Variants in TBC1D10B observed in about 807,000 individuals in gnomAD.
The protein encoded by TBC1D10B is TBC1 domain family member 10B, also known as Rab27A-GAPbeta.
A neutral mutation model predicts 78.4 loss-of-function variants in TBC1D10B; 25 were observed. The ratio of observed to expected loss-of-function variants is 0.32; its 90% confidence interval spans 0.23 to 0.45. The LOEUF is 0.45. Among genes scored for constraint, TBC1D10B ranks in the 20% least tolerant of loss-of-function variants. The pLI, the probability that TBC1D10B is intolerant of heterozygous loss-of-function variation, is 1.00. For missense variants in TBC1D10B, 996 were observed against 1,104.8 expected, an observed-to-expected ratio of 0.90 and a Z score of 1.40; for synonymous variants, 517 against 478.0, an observed-to-expected ratio of 1.08 and a Z score of -1.06.
Position 30,369,408 on chromosome 16 carries a change from G to T in TBC1D10B, c.776C>A (p.Pro259His). Reference sequence around the variant, plus strand: ...CAGCGTGTCCGGGGCCTGCCCTCGAGGCCCAGAGATGCCAGGTCCCAGGCT... The same window carrying T: ...CAGCGTGTCCGGGGCCTGCCCTCGATGCCCAGAGATGCCAGGTCCCAGGCT... The part of the protein sequence containing the change: ...TSSLGPGISG[P>H]RGQAPDTLSY... The change falls in exon 1 of 9, where the codon CCT becomes CAT. Residue 259 changes from proline to histidine, a missense_variant. By Grantham distance (77) the Pro-to-His change is moderately conservative. This residue lies in a region of TBC1D10B where 448 missense variants were observed against 442.1 expected (regional missense o/e 1.01). Transcript: ENST00000409939. The surrounding 1 kb of genome is among the most constrained non-coding windows in gnomAD (Gnocchi z 4.3). The T allele has an allele frequency of 6.3e-7, 1 of 1,579,754 alleles. No individual in the cohort carries two copies. The highest frequency in any genetic ancestry group is 8.6e-7 in the Non-Finnish European group (1 of 1,163,004).
intron 4 of TBC1D10B, 80 bp downstream of exon 4, chr16:30,364,820 C>T: frequency 7.4e-7 from 1 of 1,347,922 alleles, no homozygotes; most frequent in Non-Finnish European, 1.0e-6. Context: ...ACTTTCGACT[C>T]AGTCTTGTAT....
At chr16:30,364,044 G>A (rs1344302002) in intron 4 of TBC1D10B, among the ~76,000 whole-genome samples, 1 of 151,510 alleles carries the variant, frequency 6.6e-6, no homozygotes, top group Non-Finnish European at 1.5e-5. Context: ...CTGAATCCAG[G>A]AGGCAGAGGT....
At chr16:30,361,820 G>A (rs1003295614) in intron 4 of TBC1D10B, among the ~76,000 whole-genome samples, 9 of 151,176 alleles carry the variant, frequency 6.0e-5, no homozygotes, top group African/African-American at 2.2e-4. Flanking sequence ...CGAGTAACTG[G>A]GATTACAGGC....
At chr16:30,358,968 G>A (rs1440478972) in intron 7 of TBC1D10B, 151 bp from the exon 8 acceptor site, 4 of 1,240,954 alleles carry the variant, frequency 3.2e-6, no homozygotes, top group East Asian at 5.1e-5. Flanking sequence ...GCTGCTATCA[G>A]TCTCAGGATC....
intron 4 of TBC1D10B, chr16:30,360,067 G>C: frequency 1.9e-6 from 1 of 523,650 alleles, no homozygotes. Context: ...CCCAGCACAG[G>C]CTGCACCCTC....
intron 4 of TBC1D10B, among the ~76,000 whole-genome samples, chr16:30,364,610 C>T (rs1051537392): frequency 5.3e-5 from 8 of 152,084 alleles, no homozygotes; most frequent in African/African-American, 1.7e-4. Context: ...TCCATAACCC[C>T]CAGGCAGGAA....
At chr16:30,361,149 G>A (rs1213606236) in intron 4 of TBC1D10B, among the ~76,000 whole-genome samples, 1 of 152,138 alleles carries the variant, frequency 6.6e-6, no homozygotes. Flanking sequence ...GCCAGGTGTG[G>A]TGGCGGGCAC....
At chr16:30,366,631 C>T (rs1308358224) in intron 1 of TBC1D10B, 2 of 152,146 alleles carry the variant, frequency 1.3e-5, no homozygotes, top group Non-Finnish European at 2.9e-5. Flanking sequence ...TTTACTCTAC[C>T]TCCTCCTCCC....
At position 30,370,107 on chromosome 16, in the gene TBC1D10B, C is replaced by CGGGGCGGCGGCGAG; in HGVS notation, c.63_76dup (p.Arg26ProfsTer22). ...CACGACGGGCCCGGCCCGGGAACCC[C>CGGGGCGGCGGCGAG]GGGGCGGCGGCGAGGGGGCCGCGGG... On this transcript the variant is annotated frameshift_variant, in exon 1 of 9. Transcript: ENST00000409939. LOFTEE classifies it high-confidence loss of function. 1 of 1,220,626 alleles carries CGGGGCGGCGGCGAG rather than the reference C, an allele frequency of 8.2e-7. No individual in the cohort carries two copies. 75.6% of individuals were successfully genotyped at this position (1,220,626 alleles called of 1,614,324 possible).
At chr16:30,362,645 A>T (rs537807998) in intron 4 of TBC1D10B, among the ~76,000 whole-genome samples, 1 of 152,218 alleles carries the variant, frequency 6.6e-6, no homozygotes, top group South Asian at 2.1e-4. Context: ...CTTAATTTCC[A>T]ATTTATCTCC....
Position 30,370,340 on chromosome 16 carries a change from G to A in TBC1D10B, c.-157C>T, listed in dbSNP as rs1296284508. 1 of 220,042 alleles carries A rather than the reference G, an allele frequency of 4.5e-6. No homozygotes were observed. Among genetic ancestry groups the A allele is most frequent in the Non-Finnish European group, 8.1e-6 (1 of 123,022 alleles). The allele number at this position is 220,042 out of a possible 1,614,324, so 13.6% of individuals were successfully genotyped here. A position where few individuals can be genotyped will look rare whatever the true frequency, so the allele number is the denominator to read the frequency against. On this transcript the variant is annotated 5_prime_UTR_variant, in exon 1 of 9. Coordinates refer to ENST00000409939, the MANE Select transcript of TBC1D10B (RefSeq NM_015527.4). ...GCGGCCGCTGGGCGCGCAGAGGCGG[G>A]GCAGGGGTCGGGGGGCGCCGCGCGC... is the stretch of plus-strand genomic sequence containing the variant.
chr16:30,358,520 C>T lies in TBC1D10B; in HGVS notation c.1851G>A (p.Gln617=), dbSNP rs1324297137. 6.2e-7 allele frequency: 1 copy of T among 1,611,078 alleles called. No homozygotes were observed. Among genetic ancestry groups the T allele is most frequent in the East Asian group, 2.2e-5 (1 of 44,780 alleles). ...CCCGCGTTTCCCGCCACTTCTTGAG[C>T]TGGGCTGCATTCTCCCGCTCAATCA... ...EALIERENAA[Q]LKKWRETRGE... The change falls in exon 9 of 9, where the codon CAG becomes CAA. Residue 617 remains glutamine (Q), a synonymous_variant. Transcript: ENST00000409939.
In TBC1D10B at chr16:30,369,510, T is replaced by C. The variant is rs1267645454; in HGVS notation, c.674A>G (p.Glu225Gly). 9 of 1,551,152 alleles carry C rather than the reference T, an allele frequency of 5.8e-6. No individual in the cohort carries two copies. Among genetic ancestry groups the C allele is most frequent in the Non-Finnish European group, 7.8e-6 (9 of 1,146,922 alleles). Residue 225 changes from glutamate (E) to glycine (G), a missense_variant, in exon 1 of 9, where the codon GAG becomes GGG. Glu to Gly is a moderately conservative substitution (Grantham distance 98). Transcript: ENST00000409939. The surrounding 1 kb of genome is among the most constrained non-coding windows in gnomAD (Gnocchi z 4.3). ...CACGGTCACGACAGCTACCGGAGCC[T>C]CACAAGTCCCAGAGGGGCCTGTGCC... ...GPGTGPSGTCEAPVAVVTVTP... is the reference protein window; with the variant it reads ...GPGTGPSGTCGAPVAVVTVTP...
At chr16:30,363,329 T>C (rs1022980457) in intron 4 of TBC1D10B, among the ~76,000 whole-genome samples, 3 of 152,214 alleles carry the variant, frequency 2.0e-5, no homozygotes, top group African/African-American at 4.8e-5. Context: ...TCCTAACTGG[T>C]CCGTTTCTGT....
Position 30,359,337 on chromosome 16 carries a change from T to G in TBC1D10B, c.1477A>C (p.Ile493Leu). 6.3e-7 allele frequency: 1 copy of G among 1,578,514 alleles called. No individual in the cohort carries two copies. The highest frequency in any genetic ancestry group is 2.3e-5 in the East Asian group (1 of 42,640). ...GCCCGGCGCAGGAGTGCAAAAAAGA[T>G]CTCCCCGTCCAGCTGAATGGCCTCC... ...GLEAIQLDGE[I>L]FFALLRRASP... The change falls in exon 7 of 9, where the codon ATC becomes CTC. Residue 493 changes from isoleucine (I) to leucine (L), a missense_variant. This residue lies in a region of TBC1D10B where 168 missense variants were observed against 238.7 expected (regional missense o/e 0.70). Coordinates refer to ENST00000409939, the MANE Select transcript of TBC1D10B (RefSeq NM_015527.4).
chr16:30,360,665 C>T (rs913558271), intron 4 of TBC1D10B, among the ~76,000 whole-genome samples: 1 of 152,146 alleles, frequency 6.6e-6, no homozygotes, highest in African/African-American at 2.4e-5. Flanking sequence ...CATTTTTTCT[C>T]CACTTTGCAA....
intron 4 of TBC1D10B, 53 bp from the exon 5 acceptor site, chr16:30,359,894 C>T: frequency 6.9e-7 from 1 of 1,459,014 alleles, no homozygotes; most frequent in Non-Finnish European, 9.3e-7. Context: ...GAGCTCTGTC[C>T]CCAAACCCAG....
rs1456622250 is a variant in TBC1D10B, at chr16:30,369,589, C to T, written c.595G>A (p.Ala199Thr). 3.9e-6 allele frequency: 6 copies of T among 1,528,608 alleles called. No homozygotes were observed. Among genetic ancestry groups the T allele is most frequent in the Non-Finnish European group, 8.8e-7 (1 of 1,134,300 alleles). 94.7% of individuals were successfully genotyped at this position (1,528,608 alleles called of 1,614,324 possible). ...SGQVTGGHGA[A>T]AATSASAGQA... ...CCTGCTGATGCTGATGTTGCTGCGG[C>T]AGCTCCATGCCCACCTGTCACTTGT... The change falls in exon 1 of 9, where the codon GCC becomes ACC. Residue 199 changes from alanine to threonine, a missense_variant. Transcript: ENST00000409939. This position sits in a 1 kb window ranked among gnomAD's most constrained non-coding sequence, Gnocchi z 4.3.
chr16:30,367,028 C>T (rs2049641941), intron 1 of TBC1D10B: 1 of 152,168 alleles, frequency 6.6e-6, no homozygotes, highest in Non-Finnish European at 1.5e-5. Flanking sequence ...GAAACCCTGT[C>T]TCTACTAAAA....
Sources: allele counts gnomAD v4.1 joint callset (sites outside exome capture counted in the v4.1 genomes callset), GRCh38; gene constraint gnomAD v4.1.1; regional missense constraint gnomAD v4.1.1; non-coding constraint Gnocchi (gnomAD v3.1); transcripts MANE v1.5; gene names NCBI Gene and HGNC (gene_info 2026-07-23, HGNC 2026-07-21).